The following RPTOR variants were observed in gnomAD, a reference collection of about 807,000 sequenced individuals.
The protein encoded by RPTOR is regulatory-associated protein of mTOR.
RPTOR carries 21 observed loss-of-function variants against 169.9 expected under a neutral mutation model. The observed-to-expected ratio is 0.12, with a 90% confidence interval of 0.09 to 0.18. The LOEUF (loss-of-function observed/expected upper bound fraction) is 0.18. RPTOR is among the 10% of genes least tolerant of loss of function. The probability of loss-of-function intolerance (pLI) is 1.00; values close to 1 mark genes in which losing one functional copy is unlikely to be tolerated. For missense variants in RPTOR, 1,133 were observed against 1,855.9 expected, an observed-to-expected ratio of 0.61 and a Z score of 7.16; for synonymous variants, 732 against 753.2, an observed-to-expected ratio of 0.97 and a Z score of 0.46.
At position 80,700,727 on chromosome 17, in the gene RPTOR, G is replaced by A. The variant is rs373119373; in HGVS notation, c.349-7114G>A. The stretch of plus-strand genomic sequence containing the variant: ...GGTGGTGATGGTGGTGGTGGTGGTG[G>A]TGATGATGGTGGTGGTGGTGGTGGT... On this transcript the variant is annotated intron_variant, in intron 3 of 33. Coordinates refer to ENST00000306801, the MANE Select transcript of RPTOR (RefSeq NM_020761.3). Among the ~76,000 whole-genome samples the A allele has an allele frequency of 8.5e-3, 42 of 4,944 alleles. 1 individual carries two copies. Among genetic ancestry groups the A allele is most frequent in the Admixed American group, 0.017 (7 of 408 alleles). 3.2% of individuals were successfully genotyped at this position (4,944 alleles called of 152,430 possible).
chr17:80,866,606 A>AT (rs1198777584), intron 13 of RPTOR, among the ~76,000 whole-genome samples: 2 of 152,272 alleles, frequency 1.3e-5, no homozygotes, highest in Non-Finnish European at 2.9e-5. Context: ...TAGAGGTGAC[A>AT]TCATGAAAGA....
chr17:80,777,550 T>C (rs2066903574), intron 6 of RPTOR, among the ~76,000 whole-genome samples: 1 of 151,828 alleles, frequency 6.6e-6, no homozygotes. Flanking sequence ...CTTTGTTGTT[T>C]TTTTTTTTGA....
chr17:80,963,403 G>C (rs113946099), intron 33 of RPTOR, among the ~76,000 whole-genome samples: 3,953 of 118,582 alleles, frequency 0.033, 85 homozygotes, highest in African/African-American at 0.12. Context: ...CCCGTCCCCT[G>C]TGCGGCCCTC....
chr17:80,636,333 C>T (rs891786250), intron 2 of RPTOR, among the ~76,000 whole-genome samples: 18 of 152,180 alleles, frequency 1.2e-4, no homozygotes, highest in African/African-American at 4.3e-4. Flanking sequence ...GCATCCCGAC[C>T]CCTGCAACAC....
chr17:80,588,358 T>C (rs1730138498), intron 1 of RPTOR, among the ~76,000 whole-genome samples: 1 of 152,184 alleles, frequency 6.6e-6, no homozygotes, highest in South Asian at 2.1e-4. Context: ...AGATGGGGTT[T>C]CACCATGTTG....
At chr17:80,568,121 C>T (rs553583633) in intron 1 of RPTOR, among the ~76,000 whole-genome samples, 1 of 152,142 alleles carries the variant, frequency 6.6e-6, no homozygotes, top group Non-Finnish European at 1.5e-5. Flanking sequence ...GTTGACCAGG[C>T]TGGTCTCGAA....
chr17:80,687,222 C>T (rs988746329), intron 3 of RPTOR, among the ~76,000 whole-genome samples: 1 of 152,236 alleles, frequency 6.6e-6, no homozygotes, highest in Non-Finnish European at 1.5e-5. Flanking sequence ...TCTTCTGACC[C>T]TCCCAGCCTG....
At chr17:80,596,976 G>C (rs1212346815) in intron 1 of RPTOR, among the ~76,000 whole-genome samples, 1 of 152,228 alleles carries the variant, frequency 6.6e-6, no homozygotes, top group South Asian at 2.1e-4. Context: ...GATTCGTTCA[G>C]CAGGTGTTGA....
rs200660726 is a variant in RPTOR at position 80,925,382 on chromosome 17, G to A, written c.2821G>A (p.Ala941Thr). ...DKGPEQTADD[A>T]DDAAGHKSFI... ...TTAAACCCTGAAGACTGCGGACGAC[G>A]CGGACGATGCTGCTGGACACAAAAG... is the stretch of plus-strand genomic sequence containing the variant. Residue 941 changes from alanine to threonine, a missense_variant, in exon 24 of 34, where the codon GCG (alanine) becomes ACG (threonine). This residue lies in a region of RPTOR where 410 missense variants were observed against 623.7 expected (regional missense o/e 0.66). Transcript: ENST00000306801. 3.7e-5 allele frequency: 60 copies of A among 1,613,636 alleles called. No homozygotes were observed. In the African/African-American group the frequency reaches 5.7e-4, roughly 15 times the overall value.
intron 1 of RPTOR, among the ~76,000 whole-genome samples, chr17:80,604,526 C>T (rs370187570): frequency 2.0e-5 from 3 of 152,272 alleles, no homozygotes; most frequent in East Asian, 1.9e-4. Context: ...GGGTTGCTGA[C>T]GATGCTGTCC....
intron 9 of RPTOR, among the ~76,000 whole-genome samples, chr17:80,832,891 AAG>A (rs2067521489): frequency 6.6e-6 from 1 of 152,234 alleles, no homozygotes; most frequent in Admixed American, 6.5e-5. Flanking sequence ...AGCAAGAGGA[AAG>A]AGGGAACAAA....
intron 24 of RPTOR, among the ~76,000 whole-genome samples, chr17:80,935,929 CACAG>C (rs1440207996): frequency 2.6e-5 from 4 of 152,122 alleles, no homozygotes; most frequent in Non-Finnish European, 5.9e-5. Flanking sequence ...AAAGACAAGT[CACAG>C]ACAGAGCGAA....
chr17:80,612,464 A>C (rs1315531539), intron 1 of RPTOR, among the ~76,000 whole-genome samples: 1 of 152,192 alleles, frequency 6.6e-6, no homozygotes, highest in Non-Finnish European at 1.5e-5. Flanking sequence ...CTGTCTTCAC[A>C]CATAACTGAT....
At chr17:80,800,271 G>A (rs930906014) in intron 7 of RPTOR, among the ~76,000 whole-genome samples, 6 of 152,202 alleles carry the variant, frequency 3.9e-5, no homozygotes, top group South Asian at 2.1e-4. Context: ...CACTGGAGAC[G>A]TGGGGAGGTT....
intron 3 of RPTOR, among the ~76,000 whole-genome samples, chr17:80,666,305 G>A (rs2065778785): frequency 6.6e-6 from 1 of 152,114 alleles, no homozygotes; most frequent in South Asian, 2.1e-4. Flanking sequence ...ATGAGTTTAA[G>A]AAGACTCTTG....
intron 3 of RPTOR, among the ~76,000 whole-genome samples, chr17:80,685,644 T>TTTTTTTA (rs1567856754): frequency 8.3e-5 from 6 of 72,300 alleles, no homozygotes; most frequent in Non-Finnish European, 1.4e-4. Context: ...TTTTTTTTTT[T>TTTTTTTA]TTTTTTTTTT....
At chr17:80,909,172 A>C (rs6565488) in intron 21 of RPTOR, among the ~76,000 whole-genome samples, 134,294 of 152,078 alleles carry the variant, frequency 0.88, 59,501 homozygotes, top group African/African-American at 0.95. Flanking sequence ...GGGAGGACTG[A>C]CATTATCTTT....
intron 3 of RPTOR, among the ~76,000 whole-genome samples, chr17:80,645,806 C>A (rs2065590842): frequency 6.6e-6 from 1 of 151,790 alleles, no homozygotes; most frequent in African/African-American, 2.4e-5. Flanking sequence ...ACAGTGTAGA[C>A]TCAGTACAGG....
chr17:80,862,434 G>A (rs2067927665), intron 13 of RPTOR, among the ~76,000 whole-genome samples: 1 of 151,912 alleles, frequency 6.6e-6, no homozygotes, highest in Non-Finnish European at 1.5e-5. Flanking sequence ...CCCACGTCTG[G>A]CCATGGATGT....
Sources: gnomAD v4.1 joint callset for allele counts (sites outside exome capture counted in the v4.1 genomes callset) on GRCh38, gnomAD v4.1.1 for gene constraint, gnomAD v4.1.1 regional missense constraint, MANE v1.5 for transcripts, NCBI Gene and HGNC (gene_info 2026-07-23, HGNC 2026-07-21) for gene names.